The following CTNNA2 variants were observed in gnomAD, a reference collection of about 807,000 sequenced individuals.
CTNNA2 encodes the protein catenin alpha-2.
A neutral mutation model predicts 101.0 loss-of-function variants in CTNNA2; 42 were observed. The observed-to-expected ratio is 0.42, with a 90% confidence interval of 0.32 to 0.54. The LOEUF is 0.54. Among genes scored for constraint, CTNNA2 ranks in the 20% least tolerant of loss-of-function variants. The probability of loss-of-function intolerance (pLI) is 0.14; values close to 1 mark genes in which losing one functional copy is unlikely to be tolerated. For missense variants in CTNNA2, 871 were observed against 1,223.1 expected (o/e 0.71, Z 4.29); for synonymous variants, 450 against 456.4 (o/e 0.99, Z 0.18).
At chr2:79,696,190 G>T (rs925701215) in intron 2 of CTNNA2, among the ~76,000 whole-genome samples, 3 of 151,994 alleles carry the variant, frequency 2.0e-5, no homozygotes, top group South Asian at 2.1e-4. Flanking sequence ...TAAATTCTGT[G>T]CATTGAGCTA....
At chr2:79,739,777 T>G (rs573217041) in intron 2 of CTNNA2, among the ~76,000 whole-genome samples, 1 of 152,200 alleles carries the variant, frequency 6.6e-6, no homozygotes, top group African/African-American at 2.4e-5. Context: ...ACCTTGTGGC[T>G]CCCACCTTTA....
intron 7 of CTNNA2, among the ~76,000 whole-genome samples, chr2:80,312,813 C>A (rs1261725021): frequency 1.3e-5 from 2 of 152,174 alleles, no homozygotes; most frequent in Non-Finnish European, 2.9e-5. Context: ...ATATTACTTT[C>A]TCTGTGTTTT....
At chr2:79,719,195 C>T (rs1232307021) in intron 2 of CTNNA2, among the ~76,000 whole-genome samples, 2 of 152,016 alleles carry the variant, frequency 1.3e-5, no homozygotes, top group Non-Finnish European at 2.9e-5. Context: ...TGTTAATTCC[C>T]TTAGGATTAT....
chr2:79,973,952 G>GT (rs397793566), intron 7 of CTNNA2, among the ~76,000 whole-genome samples: 28 of 151,476 alleles, frequency 1.8e-4, no homozygotes, highest in Admixed American at 3.3e-4. Flanking sequence ...TTGTTTGTTT[G>GT]TTTGTTTTGT....
At chr2:79,743,610 TGCA>T (rs1671448530) in intron 2 of CTNNA2, among the ~76,000 whole-genome samples, 1 of 151,790 alleles carries the variant, frequency 6.6e-6, no homozygotes, top group Non-Finnish European at 1.5e-5. Flanking sequence ...CTAGATTAAC[TGCA>T]ACCTCTGCCT....
chr2:80,213,049 C>A (rs541212904), intron 7 of CTNNA2, among the ~76,000 whole-genome samples: 126 of 152,218 alleles, frequency 8.3e-4, no homozygotes, highest in African/African-American at 2.9e-3. Flanking sequence ...TCTGTGGGAT[C>A]AGTGGTGATA....
intron 2 of CTNNA2, among the ~76,000 whole-genome samples, chr2:79,304,381 A>T (rs1228720489): frequency 1.3e-5 from 2 of 152,210 alleles, no homozygotes; most frequent in Non-Finnish European, 2.9e-5. Flanking sequence ...TAGTATTCTA[A>T]AACTGGTTGA....
At chr2:80,456,019 T>C (rs960522065) in intron 9 of CTNNA2, among the ~76,000 whole-genome samples, 5 of 152,214 alleles carry the variant, frequency 3.3e-5, no homozygotes, top group Admixed American at 2.6e-4. Context: ...TGTTCAATGC[T>C]TGCCAGTGAG....
intron 4 of CTNNA2, among the ~76,000 whole-genome samples, chr2:79,490,928 A>G (rs1235324572): frequency 6.6e-6 from 1 of 152,152 alleles, no homozygotes; most frequent in African/African-American, 2.4e-5. Flanking sequence ...CCCCATTGTG[A>G]TATGAGGATA....
At chr2:80,090,547 G>A (rs1158930755) in intron 7 of CTNNA2, among the ~76,000 whole-genome samples, 4 of 152,174 alleles carry the variant, frequency 2.6e-5, no homozygotes, top group Non-Finnish European at 5.9e-5. Flanking sequence ...TACGTAGCAA[G>A]TGGCTCATGG....
chr2:79,678,971 T>C (rs1017875526), intron 2 of CTNNA2, among the ~76,000 whole-genome samples: 1 of 152,190 alleles, frequency 6.6e-6, no homozygotes, highest in Admixed American at 6.5e-5. Context: ...TTTCACTGGC[T>C]CTCCCTCCAC....
At chr2:79,264,727 C>A (rs1469597507) in intron 2 of CTNNA2, among the ~76,000 whole-genome samples, 1 of 106,734 alleles carries the variant, frequency 9.4e-6, no homozygotes, top group Admixed American at 8.7e-5. Context: ...TATCTTGCTG[C>A]AACCTATTTT....
chr2:80,186,910 G>C (rs542364890), intron 7 of CTNNA2, among the ~76,000 whole-genome samples: 18 of 152,302 alleles, frequency 1.2e-4, no homozygotes, highest in African/African-American at 4.3e-4. Context: ...GCAAAAGAAG[G>C]GTTCCTGCTG....
chr2:80,549,401 C>T (rs1021851543), intron 11 of CTNNA2, among the ~76,000 whole-genome samples: 8 of 151,962 alleles, frequency 5.3e-5, no homozygotes, highest in Non-Finnish European at 8.8e-5. Flanking sequence ...AACTTTATTG[C>T]TTTGAATCTG....
chr2:80,189,105 AC>A (rs1706312160), intron 7 of CTNNA2, among the ~76,000 whole-genome samples: 1 of 151,738 alleles, frequency 6.6e-6, no homozygotes, highest in South Asian at 2.1e-4. Context: ...GGCACCTGCC[AC>A]CTCACCTGGC....
chr2:79,697,820 A>G (rs1184534177), intron 2 of CTNNA2: 2 of 151,894 alleles, frequency 1.3e-5, no homozygotes, highest in South Asian at 2.1e-4. Context: ...TTCAGTTGAA[A>G]CTCACCAAAT....
intron 7 of CTNNA2, among the ~76,000 whole-genome samples, chr2:80,329,189 A>G (rs1304661253): frequency 6.6e-6 from 1 of 152,154 alleles, no homozygotes; most frequent in East Asian, 1.9e-4. Context: ...CTTCCTTTCA[A>G]CCTTTATTTG....
intron 2 of CTNNA2, among the ~76,000 whole-genome samples, chr2:79,231,759 G>A (rs1176664849): frequency 6.6e-6 from 1 of 152,030 alleles, no homozygotes; most frequent in African/African-American, 2.4e-5. Context: ...AGTTCTGCTT[G>A]AAGAGACTTT....
chr2:80,619,637 C>G (rs1010440717), intron 18 of CTNNA2, among the ~76,000 whole-genome samples: 19 of 151,880 alleles, frequency 1.3e-4, no homozygotes, highest in African/African-American at 4.6e-4. Context: ...CCATGAGAAT[C>G]AGTGGGCCCT....
Sources: gnomAD v4.1 joint callset for allele counts (sites outside exome capture counted in the v4.1 genomes callset) on GRCh38, gnomAD v4.1.1 for gene constraint, MANE v1.5 for transcripts, NCBI Gene and HGNC (gene_info 2026-07-23, HGNC 2026-07-21) for gene names.